The following LRRC7 variants were observed in gnomAD, a reference collection of about 807,000 sequenced individuals.
LRRC7 encodes leucine-rich repeat-containing protein 7.
Under a neutral mutation model 175.7 loss-of-function variants are expected in LRRC7, and 23 were observed. That is an observed-to-expected ratio of 0.13 (90% CI 0.09 to 0.19). The LOEUF is 0.19. Ranked by LOEUF, LRRC7 falls within the 10% of genes least tolerant of loss-of-function variation. The pLI, the probability that LRRC7 is intolerant of heterozygous loss-of-function variation, is 1.00. For synonymous variants in LRRC7, 685 were observed against 680.9 expected, an observed-to-expected ratio of 1.01 and a Z score of -0.09; for missense variants, 1,354 against 1,904.7, an observed-to-expected ratio of 0.71 and a Z score of 5.38.
chr1:70,039,356 A>G lies in LRRC7; in HGVS notation c.3532A>G (p.Thr1178Ala), dbSNP rs1002764441. The G allele has an allele frequency of 1.9e-6, 3 of 1,613,866 alleles. No individual in the cohort carries two copies. The highest frequency in any genetic ancestry group is 2.5e-6 in the Non-Finnish European group (3 of 1,180,002). The change falls in exon 21 of 27, where the codon ACT (threonine) becomes GCT (alanine). Residue 1178 changes from threonine to alanine, a missense_variant. Coordinates refer to ENST00000651989, the MANE Select transcript of LRRC7 (RefSeq NM_001370785.2). ...RVNEPHELPP[T>A]DRYGRPPYRG... The stretch of plus-strand genomic sequence containing the variant: ...CAATGAGCCTCATGAGCTGCCCCCA[A>G]CTGATAGGTACGGCAGACCCCCATA...
intron 1 of LRRC7, among the ~76,000 whole-genome samples, chr1:69,658,616 G>A (rs12047807): frequency 0.061 from 9,250 of 151,914 alleles, 303 homozygotes; most frequent in South Asian, 0.1. Flanking sequence ...ATACACTAAT[G>A]AGGACCTAAA....
chr1:69,620,719 T>G (rs1036833443), intron 1 of LRRC7, among the ~76,000 whole-genome samples: 3 of 152,222 alleles, frequency 2.0e-5, no homozygotes, highest in Admixed American at 6.5e-5. Context: ...ATTCCTCCTT[T>G]CATAGGATAT....
intron 17 of LRRC7, among the ~76,000 whole-genome samples, chr1:70,027,711 A>C (rs1658270747): frequency 6.6e-6 from 1 of 152,150 alleles, no homozygotes; most frequent in African/African-American, 2.4e-5. Context: ...AGTTTTTAAC[A>C]TGCAACTCTA....
At chr1:69,687,539 GAAAAAA>G (rs1325742063) in intron 2 of LRRC7, among the ~76,000 whole-genome samples, 21 of 90,392 alleles carry the variant, frequency 2.3e-4, no homozygotes, top group Admixed American at 1.7e-3. Flanking sequence ...AAAAAAAAAA[GAAAAAA>G]GAAAAAGAAA....
intron 1 of LRRC7, among the ~76,000 whole-genome samples, chr1:69,654,111 A>AT (rs564418143): frequency 0.069 from 10,494 of 151,436 alleles, 373 homozygotes; most frequent in South Asian, 0.1. Flanking sequence ...ATCTCATGTT[A>AT]TTTATTTTTT....
At chr1:69,785,166 A>G (rs1674259861) in intron 3 of LRRC7, among the ~76,000 whole-genome samples, 1 of 152,140 alleles carries the variant, frequency 6.6e-6, no homozygotes, top group Non-Finnish European at 1.5e-5. Flanking sequence ...CTATGATAAC[A>G]GTTTTATAAT....
intron 7 of LRRC7, among the ~76,000 whole-genome samples, chr1:69,907,940 G>C (rs9725136): frequency 0.4 from 59,860 of 149,820 alleles, 12,191 homozygotes; most frequent in East Asian, 0.53. Context: ...AATTTCAGAG[G>C]CTGTTATTGA....
chr1:69,761,779 A>G (rs1671065447), intron 3 of LRRC7, among the ~76,000 whole-genome samples: 1 of 152,080 alleles, frequency 6.6e-6, no homozygotes. Context: ...ATGGGCAGGC[A>G]TGATGAATTT....
chr1:69,776,730 T>G (rs115884083), intron 3 of LRRC7, among the ~76,000 whole-genome samples: 1 of 152,026 alleles, frequency 6.6e-6, no homozygotes, highest in African/African-American at 2.4e-5. Context: ...TGTGTGTGGG[T>G]GGGTGTGTCT....
At chr1:69,822,600 G>T (rs1433137154) in intron 4 of LRRC7, among the ~76,000 whole-genome samples, 1 of 152,182 alleles carries the variant, frequency 6.6e-6, no homozygotes, top group Non-Finnish European at 1.5e-5. Flanking sequence ...AAAGAGGTAG[G>T]CCTCTAAGAC....
rs943583602 is a variant in LRRC7 at position 70,122,836 on chromosome 1, C to T, written c.*949C>T. ...TTTGTGTGTTGCTTAATCTAATTTG[C>T]TGCTTTTTAAATTATTTAAAACGAA... On this transcript the variant is annotated 3_prime_UTR_variant, in exon 27 of 27. Transcript: ENST00000651989. 20 of 152,404 alleles carry T rather than the reference C, an allele frequency of 1.3e-4. No homozygotes were observed. Among genetic ancestry groups the T allele is most frequent in the African/African-American group, 4.8e-4 (20 of 41,404 alleles). 9.4% of individuals were successfully genotyped at this position (152,404 alleles called of 1,614,324 possible).
chr1:69,994,028 G>A (rs1298097777), intron 10 of LRRC7, among the ~76,000 whole-genome samples: 1 of 152,072 alleles, frequency 6.6e-6, no homozygotes. Flanking sequence ...CTGATCCAAG[G>A]CAGGATTTAT....
chr1:69,907,783 G>A (rs1646371099), intron 7 of LRRC7, among the ~76,000 whole-genome samples: 1 of 152,180 alleles, frequency 6.6e-6, no homozygotes, highest in African/African-American at 2.4e-5. Context: ...CATAAAATGA[G>A]TTAGGGAGGA....
chr1:69,629,903 C>T (rs1468093245), intron 1 of LRRC7, among the ~76,000 whole-genome samples: 1 of 152,146 alleles, frequency 6.6e-6, no homozygotes, highest in Non-Finnish European at 1.5e-5. Context: ...ACCCTTTCAA[C>T]TCTCAACAGC....
Position 70,126,383 on chromosome 1 carries a change from T to C in LRRC7, c.*4496T>C, listed in dbSNP as rs1666456562. Among the ~76,000 whole-genome samples, 1 of 152,056 alleles carries C rather than the reference T, an allele frequency of 6.6e-6. No homozygotes were observed. Among genetic ancestry groups the C allele is most frequent in the South Asian group, 2.1e-4 (1 of 4,818 alleles). On this transcript the variant is annotated 3_prime_UTR_variant, in exon 27 of 27. Coordinates refer to ENST00000651989, the MANE Select transcript of LRRC7 (RefSeq NM_001370785.2). ...GAAAAGCGGGGTTGAAGTTCCACTG[T>C]AGTTCCTTTCACAGAAATGCTAAAT...
At chr1:69,730,051 C>T (rs1458664019) in intron 2 of LRRC7, among the ~76,000 whole-genome samples, 1 of 152,222 alleles carries the variant, frequency 6.6e-6, no homozygotes, top group African/African-American at 2.4e-5. Flanking sequence ...TGTACCTTGG[C>T]CCCATTTAGC....
At chr1:69,877,288 A>C (rs1161753185) in intron 7 of LRRC7, among the ~76,000 whole-genome samples, 4 of 152,158 alleles carry the variant, frequency 2.6e-5, no homozygotes, top group African/African-American at 4.8e-5. Context: ...AAGCAAGCAA[A>C]TAACAAAAGC....
intron 23 of LRRC7, among the ~76,000 whole-genome samples, chr1:70,071,308 G>C (rs1166476826): frequency 6.6e-6 from 1 of 152,052 alleles, no homozygotes; most frequent in Non-Finnish European, 1.5e-5. Context: ...TTGTTCCCCA[G>C]GTCCCTAGCT....
At position 70,143,093 on chromosome 1, in the gene LRRC7, A is replaced by ATAAT. The variant is rs1165431348; in HGVS notation, c.*21208_*21211dup. On this transcript the variant is annotated 3_prime_UTR_variant, in exon 27 of 27. Transcript: ENST00000651989. ...TTTTCTTTTTCTCATTTCAGCTCAT[A>ATAAT]TAATTCAGTTAGTGAAATATTTCAC... 6.6e-6 allele frequency: 1 copy of ATAAT among 151,992 alleles called. No homozygotes were observed. The highest frequency in any genetic ancestry group is 1.5e-5 in the Non-Finnish European group (1 of 67,978). The allele number at this position is 151,992 out of a possible 1,614,324, so 9.4% of individuals were successfully genotyped here.
Sources: allele counts gnomAD v4.1 joint callset (sites outside exome capture counted in the v4.1 genomes callset), GRCh38; gene constraint gnomAD v4.1.1; transcripts MANE v1.5; gene names NCBI Gene and HGNC (gene_info 2026-07-23, HGNC 2026-07-21).